The following ABCC3 variants were observed in gnomAD, a reference collection of about 807,000 sequenced individuals.
ABCC3 encodes the protein ATP-binding cassette sub-family C member 3.
Under a neutral mutation model 165.3 loss-of-function variants are expected in ABCC3, and 121 were observed. The ratio of observed to expected loss-of-function variants is 0.73; its 90% CI spans 0.63 to 0.85. The LOEUF is 0.85. Among genes scored for constraint, ABCC3 ranks in the 40% least tolerant of loss-of-function variants. The pLI is 0.00. For missense variants in ABCC3, 1,869 were observed against 1,964.1 expected (o/e 0.95, Z 0.92); for synonymous variants, 733 against 810.1 (o/e 0.90, Z 1.62).
chr17:50,667,929 G>C lies in ABCC3; in HGVS notation c.1702G>C (p.Ala568Pro). The change falls in exon 13 of 31, where the codon GCC (alanine) becomes CCC (proline). Residue 568 changes from alanine to proline, a missense_variant. Coordinates refer to ENST00000285238, the MANE Select transcript of ABCC3 (RefSeq NM_003786.4). ...DPNNVLDAEKAFVSVSLFNIL... is the reference protein window; with the variant it reads ...DPNNVLDAEKPFVSVSLFNIL... ...AAACAATGTGCTGGACGCCGAGAAG[G>C]CCTTTGTGTCTGTGTCCTTGTTTAA... 6 of 1,614,200 alleles carry C rather than the reference G, an allele frequency of 3.7e-6. No homozygotes were observed. The highest frequency in any genetic ancestry group is 5.1e-6 in the Non-Finnish European group (6 of 1,180,032).
chr17:50,651,910 G>A (rs975813780), intron 1 of ABCC3, among the ~76,000 whole-genome samples: 1 of 152,034 alleles, frequency 6.6e-6, no homozygotes, highest in African/African-American at 2.4e-5. Context: ...GACAACATAA[G>A]CTTGTTTTAC....
intron 19 of ABCC3, among the ~76,000 whole-genome samples, chr17:50,673,991 T>TCC: frequency 2.8e-4 from 2 of 7,022 alleles, no homozygotes; most frequent in Non-Finnish European, 5.3e-4. Flanking sequence ...TCTCTCTCTC[T>TCC]CTCTCTCTCT....
At position 50,667,662 on chromosome 17, in the gene ABCC3, G is replaced by A. The variant is rs748579053; in HGVS notation, c.1540G>A (p.Val514Met). The A allele has an allele frequency of 3.7e-6, 6 of 1,614,194 alleles. No homozygotes were observed. The East Asian group carries it at 1.3e-4, about 36-fold the overall frequency. Reference sequence around the variant, plus strand: ...CTGGGAGCCCAGCTTCCTGAAGCAGGTGGAGGGCATCAGGCAGGGTGAGCT... The same window carrying A: ...CTGGGAGCCCAGCTTCCTGAAGCAGATGGAGGGCATCAGGCAGGGTGAGCT... ...YAWEPSFLKQ[V>M]EGIRQGELQL... The change falls in exon 12 of 31, where the codon GTG becomes ATG. Residue 514 changes from valine to methionine, a missense_variant. Transcript: ENST00000285238.
intron 1 of ABCC3, among the ~76,000 whole-genome samples, chr17:50,637,747 G>A (rs1261157417): frequency 1.3e-5 from 2 of 152,266 alleles, no homozygotes; most frequent in African/African-American, 2.4e-5. Flanking sequence ...TAAGAACTAA[G>A]AAGTTTTCTA....
At chr17:50,661,872 C>G (rs914264383) in intron 8 of ABCC3, among the ~76,000 whole-genome samples, 7 of 152,110 alleles carry the variant, frequency 4.6e-5, no homozygotes, top group African/African-American at 1.7e-4. Flanking sequence ...CACCCACTGG[C>G]TTGGGAGGTC....
intron 17 of ABCC3, among the ~76,000 whole-genome samples, chr17:50,669,768 G>A (rs1457645821): frequency 6.7e-6 from 1 of 150,026 alleles, no homozygotes; most frequent in Non-Finnish European, 1.5e-5. Context: ...GCACAGCAGG[G>A]AGCCTACATA....
chr17:50,635,809 G>T, intron 1 of ABCC3: 1 of 571,410 alleles, frequency 1.8e-6, no homozygotes, highest in South Asian at 2.1e-5. Flanking sequence ...CTTCAGCCCA[G>T]GAGTTTTAGA....
rs1419720552 is a variant in ABCC3 at position 50,663,334 on chromosome 17, AG to A, written c.999-345del. On this transcript the variant is annotated intron_variant, in intron 8 of 30. Coordinates refer to ENST00000285238, the MANE Select transcript of ABCC3 (RefSeq NM_003786.4). ...CGGAATCTAGAGCCCCCAGCAGCCT[AG>A]GAGAAGGAGCAGGGAAGTCCAGTCA... 26 of 280,504 alleles carry A rather than the reference AG, an allele frequency of 9.3e-5. No homozygotes were observed. The South Asian group carries it at 1.1e-3, about 11-fold the overall frequency. The allele number at this position is 280,504 out of a possible 1,614,324, so 17.4% of individuals were successfully genotyped here. A position where few individuals can be genotyped will look rare whatever the true frequency, so the allele number is the denominator to read the frequency against.
chr17:50,661,334 C>T (rs978479043), intron 8 of ABCC3, among the ~76,000 whole-genome samples: 1 of 152,232 alleles, frequency 6.6e-6, no homozygotes, highest in Non-Finnish European at 1.5e-5. Flanking sequence ...TGCCGGGCAC[C>T]GTGGTGTGTA....
intron 22 of ABCC3, 93 bp downstream of exon 22, chr17:50,676,183 C>T (rs1482389094): frequency 1.9e-6 from 3 of 1,592,478 alleles, no homozygotes; most frequent in East Asian, 2.2e-5. Context: ...TCCAAGCCTC[C>T]CTAACCCACT....
intron 1 of ABCC3, among the ~76,000 whole-genome samples, chr17:50,647,110 C>A (rs1201501611): frequency 1.3e-5 from 2 of 152,212 alleles, no homozygotes; most frequent in East Asian, 3.9e-4. Context: ...AACTCCTGAC[C>A]TCGTGATCTT....
At position 50,664,009 on chromosome 17, in the gene ABCC3, CA is replaced by C. The variant is rs1285553189; in HGVS notation, c.1237del (p.Met413CysfsTer36). 1 of 1,614,036 alleles carries C rather than the reference CA, an allele frequency of 6.2e-7. No homozygotes were observed. Among genetic ancestry groups the C allele is most frequent in the Non-Finnish European group, 8.5e-7 (1 of 1,179,996 alleles). On this transcript the variant is annotated frameshift_variant, in exon 10 of 31. Coordinates refer to ENST00000285238, the MANE Select transcript of ABCC3 (RefSeq NM_003786.4). LOFTEE classifies it high-confidence loss of function. ...ASTVGEIVNLMSVDAQRFMDL... is the reference protein window; with the variant it reads ...ASTVGEIVNLXSVDAQRFMDL... ...CCACTGTGGGGGAAATTGTCAACCT[CA>C]TGTCAGTGGATGCCCAGCGCTTCAT...
Position 50,663,792 on chromosome 17 carries a change from T to C in ABCC3, c.1110T>C (p.Tyr370=). ...TGCAGTCGCTGATCTTACAACACTATTACCACTACATCTTTGTGACTGGGG... is the reference window on the plus strand; with the variant it reads ...TGCAGTCGCTGATCTTACAACACTACTACCACTACATCTTTGTGACTGGGG... ...SMMQSLILQH[Y]YHYIFVTGVK... Residue 370 remains tyrosine (Y), a synonymous_variant, in exon 9 of 31, where the codon TAT becomes TAC. Transcript: ENST00000285238. The C allele has an allele frequency of 6.2e-7, 1 of 1,614,176 alleles. No individual in the cohort carries two copies. Among genetic ancestry groups the C allele is most frequent in the Non-Finnish European group, 8.5e-7 (1 of 1,180,022 alleles).
chr17:50,671,702 CTTTTTT>C lies in ABCC3; in HGVS notation c.2242-1244_2242-1239del, dbSNP rs386386244. 1.6e-4 allele frequency among the ~76,000 whole-genome samples: 9 copies of C among 56,370 alleles called. 1 individual carries two copies. Among genetic ancestry groups the C allele is most frequent in the Non-Finnish European group, 2.1e-4 (6 of 28,276 alleles). The allele number at this position is 56,370 out of a possible 152,430, so 37.0% of individuals were successfully genotyped here. ...AGCTCAGGTCTCTCTTCCTTCCTTC[CTTTTTT>C]TTTTTTTTTTTTTTTTTTTTTTTTG... On this transcript the variant is annotated intron_variant, in intron 17 of 30. Transcript: ENST00000285238.
Position 50,687,704 on chromosome 17 carries a change from G to T in ABCC3, c.4449G>T (p.Arg1483=), listed in dbSNP as rs752302962. 6.2e-7 allele frequency: 1 copy of T among 1,614,066 alleles called. No individual in the cohort carries two copies. The highest frequency in any genetic ancestry group is 1.3e-5 in the African/African-American group (1 of 74,918). Residue 1483 remains arginine, a synonymous_variant, in exon 30 of 31, where the codon CGG becomes CGT. Coordinates refer to ENST00000285238, the MANE Select transcript of ABCC3 (RefSeq NM_003786.4). ...GCACTGTCCTGACCATCGCACACCG[G>T]CTTAACACTATCATGGACTACACCA... is the stretch of plus-strand genomic sequence containing the variant. ...DTCTVLTIAH[R]LNTIMDYTRV... is the part of the protein sequence containing the mutation.
At chr17:50,654,634 C>G (rs747016682) in intron 1 of ABCC3, among the ~76,000 whole-genome samples, 5 of 152,070 alleles carry the variant, frequency 3.3e-5, no homozygotes, top group Non-Finnish European at 5.9e-5. Context: ...TCAAATCCAC[C>G]CAGTGAGGTA....
chr17:50,672,847 G>A (rs1368038335), intron 17 of ABCC3, 124 bp from the exon 18 acceptor site: 10 of 818,696 alleles, frequency 1.2e-5, no homozygotes, highest in Non-Finnish European at 1.9e-5. Context: ...ACTCCAGCCT[G>A]GGTGAGTGAG....
At chr17:50,652,444 C>T (rs1967130334) in intron 1 of ABCC3, among the ~76,000 whole-genome samples, 1 of 152,142 alleles carries the variant, frequency 6.6e-6, no homozygotes, top group Admixed American at 6.5e-5. Flanking sequence ...TATAAAGAGG[C>T]AATTTTTTAT....
chr17:50,680,572 A>T (rs1279226936), intron 26 of ABCC3, among the ~76,000 whole-genome samples: 1 of 151,994 alleles, frequency 6.6e-6, no homozygotes, highest in African/African-American at 2.4e-5. Context: ...TGGGACTCCC[A>T]ATCCCATGAC....
Sources: gnomAD v4.1 joint callset for allele counts (sites outside exome capture counted in the v4.1 genomes callset) on GRCh38, gnomAD v4.1.1 for gene constraint, MANE v1.5 for transcripts, NCBI Gene and HGNC (gene_info 2026-07-23, HGNC 2026-07-21) for gene names.